HMCN1: variants seen among roughly 807,000 people sequenced by gnomAD.
HMCN1 encodes the protein hemicentin-1.
A neutral mutation model predicts 625.9 loss-of-function variants in HMCN1; 321 were observed. That is an observed-to-expected ratio of 0.51 (90% CI 0.47 to 0.56). The LOEUF (loss-of-function observed/expected upper bound fraction) is 0.56, where lower values mean the gene tolerates loss of function less well. HMCN1 is among the 20% of genes least tolerant of loss of function. HMCN1 has a pLI of 0.00. For missense variants in HMCN1, 6,588 were observed against 6,887.3 expected (o/e 0.96, Z 1.54); for synonymous variants, 2,425 against 2,417.6 (o/e 1.00, Z -0.09).
rs200351804 is a variant in HMCN1 at position 186,171,336 on chromosome 1, G to A, written c.15575-1G>A. 39 of 1,607,734 alleles carry A rather than the reference G, an allele frequency of 2.4e-5. No homozygotes were observed. Among genetic ancestry groups the A allele is most frequent in the Non-Finnish European group, 3.3e-5 (39 of 1,174,500 alleles). On this transcript the variant is annotated splice_acceptor_variant, in intron 100 of 106. Coordinates refer to ENST00000271588, the MANE Select transcript of HMCN1 (RefSeq NM_031935.3). LOFTEE classifies it high-confidence loss of function. ...AATGAAAGTTTTGTTTTATTTAACA[G>A]ATATTAATGAATGTCAAGAATCCAG...
chr1:186,138,024 C>G (rs564003298), intron 89 of HMCN1, 52 bp downstream of exon 89: 3 of 1,584,156 alleles, frequency 1.9e-6, no homozygotes, highest in Non-Finnish European at 2.6e-6. Flanking sequence ...TATCTTAACC[C>G]CTATGAAAGA....
intron 1 of HMCN1, among the ~76,000 whole-genome samples, chr1:185,746,374 TA>T (rs1654395454): frequency 6.6e-6 from 1 of 152,210 alleles, no homozygotes; most frequent in South Asian, 2.1e-4. Flanking sequence ...ATGTGTGACT[TA>T]AACAATAGAA....
At chr1:185,871,359 G>A (rs141542825) in intron 4 of HMCN1, among the ~76,000 whole-genome samples, 109 of 152,140 alleles carry the variant, frequency 7.2e-4, no homozygotes, top group East Asian at 7.1e-3. Context: ...TAAGACTAAC[G>A]CTCTGGGACC....
In HMCN1 at chr1:186,137,688, T is replaced by A; in HGVS notation, c.13753+20T>A. The A allele has an allele frequency of 6.2e-7, 1 of 1,613,996 alleles. No individual in the cohort carries two copies. The highest frequency in any genetic ancestry group is 8.5e-7 in the Non-Finnish European group (1 of 1,179,902). ...GTCCAGGTACACCTCCTTATTTAAC[T>A]GATAGGCATGTGTTTAATAGACCTT... On this transcript the variant is annotated intron_variant, in intron 88 of 106. Coordinates refer to ENST00000271588, the MANE Select transcript of HMCN1 (RefSeq NM_031935.3).
rs1657460550 is a variant in HMCN1 at position 185,784,990 on chromosome 1, A to G, written c.268+49943A>G. 2.0e-5 allele frequency among the ~76,000 whole-genome samples: 3 copies of G among 152,226 alleles called. No individual in the cohort carries two copies. The South Asian group carries it at 6.2e-4, about 32-fold the overall frequency. On this transcript the variant is annotated intron_variant, in intron 1 of 106. Coordinates refer to ENST00000271588, the MANE Select transcript of HMCN1 (RefSeq NM_031935.3). Reference sequence around the variant, plus strand: ...CATTTGTTCCTGACTTTTTTCACTCACTTCAATGTTTTGCATGTAACAATT... The same window carrying G: ...CATTTGTTCCTGACTTTTTTCACTCGCTTCAATGTTTTGCATGTAACAATT...
At chr1:185,868,032 G>A (rs193096340) in intron 4 of HMCN1, among the ~76,000 whole-genome samples, 33 of 151,872 alleles carry the variant, frequency 2.2e-4, no homozygotes, top group Middle Eastern at 3.4e-3. Flanking sequence ...CCACACCACC[G>A]CACTCCAGCC....
intron 36 of HMCN1, among the ~76,000 whole-genome samples, chr1:186,037,434 T>A (rs1393344497): frequency 6.6e-6 from 1 of 152,194 alleles, no homozygotes; most frequent in African/African-American, 2.4e-5. Flanking sequence ...TGTGAATAAC[T>A]TAAGTCTAAA....
chr1:186,086,754 A>G (rs1249056360), intron 58 of HMCN1, among the ~76,000 whole-genome samples: 1 of 151,862 alleles, frequency 6.6e-6, no homozygotes, highest in Non-Finnish European at 1.5e-5. Flanking sequence ...GATAGATGAT[A>G]GACATAGATA....
intron 106 of HMCN1, among the ~76,000 whole-genome samples, chr1:186,188,404 T>C (rs1459365972): frequency 1.3e-5 from 2 of 152,216 alleles, no homozygotes; most frequent in African/African-American, 4.8e-5. Flanking sequence ...GCATCTTTTC[T>C]GTTGCTTCAC....
rs571125128 is a variant in HMCN1, at chr1:186,174,527, T to G, written c.15828T>G (p.Cys5276Trp). 6.2e-7 allele frequency: 1 copy of G among 1,613,872 alleles called. No individual in the cohort carries two copies. Among genetic ancestry groups the G allele is most frequent in the Non-Finnish European group, 8.5e-7 (1 of 1,179,790 alleles). Residue 5276 changes from cysteine (C) to tryptophan (W), a missense_variant, in exon 103 of 107, where the codon TGT (cysteine) becomes TGG (tryptophan). Transcript: ENST00000271588. ...CCATGTCTGTAGATATTGATGAATGTAAAGATGGGACCCATCAGTGCAGAT... is the reference window on the plus strand; with the variant it reads ...CCATGTCTGTAGATATTGATGAATGGAAAGATGGGACCCATCAGTGCAGAT... Reference protein sequence around the residue: ...ENGTCIDIDECKDGTHQCRYN... With the variant: ...ENGTCIDIDEWKDGTHQCRYN...
intron 11 of HMCN1, among the ~76,000 whole-genome samples, chr1:185,935,813 G>A (rs1227400373): frequency 1.3e-5 from 2 of 152,030 alleles, no homozygotes; most frequent in East Asian, 3.9e-4. Flanking sequence ...CTATCTAAAT[G>A]TATTATTTTA....
At chr1:186,062,634 C>T in intron 48 of HMCN1, 34 bp downstream of exon 48, 1 of 1,377,442 alleles carries the variant, frequency 7.3e-7, no homozygotes, top group African/African-American at 1.4e-5. Context: ...TTGGTGCTCC[C>T]CCCACTCACT....
chr1:185,946,680 T>C (rs1234219795), intron 11 of HMCN1, among the ~76,000 whole-genome samples: 1 of 152,222 alleles, frequency 6.6e-6, no homozygotes, highest in Non-Finnish European at 1.5e-5. Flanking sequence ...CTATCAACCA[T>C]ATTTTTTGTC....
intron 36 of HMCN1, among the ~76,000 whole-genome samples, chr1:186,027,127 G>A (rs1655108913): frequency 6.6e-6 from 1 of 152,146 alleles, no homozygotes; most frequent in African/African-American, 2.4e-5. Flanking sequence ...GTTTCTCAAA[G>A]CTGTAGTAAG....
intron 67 of HMCN1, 104 bp from the exon 68 acceptor site, chr1:186,095,139 T>G (rs1451400247): frequency 5.0e-5 from 59 of 1,181,346 alleles, no homozygotes; most frequent in Non-Finnish European, 6.5e-5. Context: ...GTATATATTT[T>G]TATCAACCAC....
At chr1:185,889,148 C>T (rs1419731567) in intron 4 of HMCN1, among the ~76,000 whole-genome samples, 3 of 144,624 alleles carry the variant, frequency 2.1e-5, no homozygotes, top group Non-Finnish European at 4.4e-5. Flanking sequence ...GTGATTTTTG[C>T]ACATTGATTT....
At chr1:185,996,246 A>G (rs1244254254) in intron 24 of HMCN1, among the ~76,000 whole-genome samples, 2 of 152,098 alleles carry the variant, frequency 1.3e-5, no homozygotes, top group Non-Finnish European at 2.9e-5. Context: ...TTGAGATTTG[A>G]AGGGTAGGTA....
chr1:185,784,846 G>A (rs1276396639), intron 1 of HMCN1, among the ~76,000 whole-genome samples: 1 of 152,140 alleles, frequency 6.6e-6, no homozygotes, highest in East Asian at 1.9e-4. Flanking sequence ...TACCATGTAA[G>A]CCCAGAATGT....
chr1:186,132,432 T>C (rs772571499), intron 86 of HMCN1, 23 bp downstream of exon 86: 1 of 1,548,308 alleles, frequency 6.5e-7, no homozygotes, highest in Non-Finnish European at 8.9e-7. Flanking sequence ...ATGAAACTAA[T>C]TAAACACTTG....
Sources: gnomAD v4.1 joint callset for allele counts (sites outside exome capture counted in the v4.1 genomes callset) on GRCh38, gnomAD v4.1.1 for gene constraint, MANE v1.5 for transcripts, NCBI Gene and HGNC (gene_info 2026-07-23, HGNC 2026-07-21) for gene names.